DESI1: variants seen among roughly 807,000 people sequenced by gnomAD.
DESI1 encodes the protein desumoylating isopeptidase 1.
Under a neutral mutation model 22.4 loss-of-function variants are expected in DESI1, and 17 were observed. The ratio of observed to expected loss-of-function variants is 0.76; its 90% CI spans 0.52 to 1.14. The LOEUF (loss-of-function observed/expected upper bound fraction) is 1.14. Ranked by LOEUF, DESI1 falls within the 50% of genes most tolerant of loss-of-function variation. DESI1 has a pLI of 0.00. For synonymous variants in DESI1, 92 were observed against 84.2 expected (o/e 1.09, Z -0.51); for missense variants, 177 against 208.9 (o/e 0.85, Z 0.94).
At chr22:41,605,855 G>A (rs982560499) in intron 3 of DESI1, among the ~76,000 whole-genome samples, 2 of 152,192 alleles carry the variant, frequency 1.3e-5, no homozygotes, top group African/African-American at 4.8e-5. Context: ...CGGTCTGAGG[G>A]ATCAGGGAAG....
Position 41,598,776 on chromosome 22 carries a change from A to G in DESI1, c.*2321T>C. 6.6e-6 allele frequency: 1 copy of G among 152,502 alleles called. No homozygotes were observed. Among genetic ancestry groups the G allele is most frequent in the Non-Finnish European group, 1.5e-5 (1 of 68,156 alleles). The allele number at this position is 152,502 out of a possible 1,614,324, so 9.4% of individuals were successfully genotyped here. A position where few individuals can be genotyped will look rare whatever the true frequency, so the allele number is the denominator to read the frequency against. On this transcript the variant is annotated 3_prime_UTR_variant, in exon 6 of 6. Coordinates refer to ENST00000263256, the MANE Select transcript of DESI1 (RefSeq NM_015704.3). ...AGGGAACAACACTGGTGGGAAACAG[A>G]GCACTGGCCAAGACCAACCTGCTAC...
chr22:41,601,170 C>G lies in DESI1; in HGVS notation c.434G>C (p.Arg145Pro), dbSNP rs1015137576. Reference sequence around the variant, plus strand: ...GATCTGAATGGAGTCCAGGAGGGGCCGAAGTGCCTGTCCAAAGGGCCTGCA... The same window carrying G: ...GATCTGAATGGAGTCCAGGAGGGGCGGAAGTGCCTGTCCAAAGGGCCTGCA... ...VLSTPFGQAL[R>P]PLLDSIQIQP... Residue 145 changes from arginine (R) to proline (P), a missense_variant, in exon 6 of 6, where the codon CGG becomes CCG. Transcript: ENST00000263256. 4.3e-6 allele frequency: 7 copies of G among 1,611,326 alleles called. No homozygotes were observed. Among genetic ancestry groups the G allele is most frequent in the Non-Finnish European group, 5.1e-6 (6 of 1,179,098 alleles).
chr22:41,603,833 C>T (rs1181641188), intron 4 of DESI1, among the ~76,000 whole-genome samples: 4 of 152,200 alleles, frequency 2.6e-5, no homozygotes, highest in East Asian at 3.8e-4. Flanking sequence ...CTAAAAATTT[C>T]GGCAGAAAGT....
intron 1 of DESI1, among the ~76,000 whole-genome samples, chr22:41,618,683 T>C (rs1420210418): frequency 6.6e-6 from 1 of 152,178 alleles, no homozygotes; most frequent in Non-Finnish European, 1.5e-5. Flanking sequence ...GGGGAGGTTT[T>C]ACGTGGGGTA....
Position 41,601,128 on chromosome 22 carries a change from C to T in DESI1, c.476G>A (p.Ser159Asn). The T allele has an allele frequency of 3.7e-6, 6 of 1,613,502 alleles. No individual in the cohort carries two copies. Among genetic ancestry groups the T allele is most frequent in the Non-Finnish European group, 5.1e-6 (6 of 1,179,854 alleles). ...DSIQIQPPGGSSVGRPNGQS is the reference protein window; with the variant it reads ...DSIQIQPPGGNSVGRPNGQS The stretch of plus-strand genomic sequence containing the variant: ...CTGGCCGTTGGGTCTGCCCACGGAG[C>T]TCCCTCCTGGAGGCTGGATCTGAAT... Residue 159 changes from serine (S) to asparagine (N), a missense_variant, in exon 6 of 6, where the codon AGC (serine) becomes AAC (asparagine). Ser to Asn is a conservative substitution (Grantham distance 46, BLOSUM62 1). Coordinates refer to ENST00000263256, the MANE Select transcript of DESI1 (RefSeq NM_015704.3).
At chr22:41,616,921 C>T (rs1277212520) in intron 1 of DESI1, among the ~76,000 whole-genome samples, 1 of 152,146 alleles carries the variant, frequency 6.6e-6, no homozygotes, top group East Asian at 1.9e-4. Flanking sequence ...GATGAGGTCT[C>T]CCATTGGAGA....
At chr22:41,620,703 C>T in intron 1 of DESI1, 49 bp downstream of exon 1, 1 of 1,557,136 alleles carries the variant, frequency 6.4e-7, no homozygotes, top group Non-Finnish European at 8.7e-7. Context: ...AGCCGCCACC[C>T]TCTGGCCTGG....
chr22:41,610,256 G>A (rs375202086), intron 1 of DESI1, among the ~76,000 whole-genome samples: 155 of 148,888 alleles, frequency 1.0e-3, no homozygotes, highest in African/African-American at 3.6e-3. Flanking sequence ...GCAGGCACCT[G>A]TAATCCCAGC....
At chr22:41,613,998 A>G (rs1212237003) in intron 1 of DESI1, among the ~76,000 whole-genome samples, 1 of 152,098 alleles carries the variant, frequency 6.6e-6, no homozygotes, top group African/African-American at 2.4e-5. Context: ...CATAGAGTGG[A>G]GATAGGGACT....
intron 1 of DESI1, among the ~76,000 whole-genome samples, chr22:41,619,051 G>A (rs937115284): frequency 2.0e-5 from 3 of 151,182 alleles, no homozygotes; most frequent in Admixed American, 6.6e-5. Context: ...GTGACAGAGC[G>A]AGACTCCGTC....
chr22:41,615,515 A>G (rs1168852553), intron 1 of DESI1, among the ~76,000 whole-genome samples: 2 of 152,258 alleles, frequency 1.3e-5, no homozygotes, highest in Non-Finnish European at 2.9e-5. Flanking sequence ...TTGAATGATT[A>G]TTAAATTAAT....
In DESI1 at chr22:41,620,897, C is replaced by A; in HGVS notation, c.-58G>T. Reference sequence around the variant, plus strand: ...CTCGGGCACCCGGCAGCGGCTTGGACCTTCCCGTACCCGACGGGAGTGCGA... The same window carrying A: ...CTCGGGCACCCGGCAGCGGCTTGGAACTTCCCGTACCCGACGGGAGTGCGA... On this transcript the variant is annotated 5_prime_UTR_variant, in exon 1 of 6. Coordinates refer to ENST00000263256, the MANE Select transcript of DESI1 (RefSeq NM_015704.3). The A allele has an allele frequency of 6.4e-7, 1 of 1,561,610 alleles. No individual in the cohort carries two copies. Among genetic ancestry groups the A allele is most frequent in the Non-Finnish European group, 8.7e-7 (1 of 1,151,720 alleles).
At chr22:41,607,409 G>C in intron 2 of DESI1, 78 bp from the exon 3 acceptor site, 1 of 1,397,388 alleles carries the variant, frequency 7.2e-7, no homozygotes, top group Non-Finnish European at 9.7e-7. Context: ...TGCAATGAGA[G>C]TAATTTCTGC....
Position 41,604,068 on chromosome 22 carries a change from G to A in DESI1, c.266C>T (p.Ser89Phe), listed in dbSNP as rs145019403. 1.3e-4 allele frequency: 212 copies of A among 1,613,774 alleles called. No individual in the cohort carries two copies. Among genetic ancestry groups the A allele is most frequent in the Non-Finnish European group, 1.7e-4 (199 of 1,179,980 alleles). ...VTEEIFLEYL[S>F]SLGESLFRGE... is the part of the protein sequence containing the mutation. The stretch of plus-strand genomic sequence containing the variant: ...CCGGAACAGGGACTCCCCCAGGGAG[G>A]AGAGGTACTCCAGAAAGATTTCTTC... The change falls in exon 4 of 6, where the codon TCC (serine) becomes TTC (phenylalanine). Residue 89 changes from serine (S) to phenylalanine (F), a missense_variant. Ser to Phe is a radical substitution (Grantham distance 155). Coordinates refer to ENST00000263256, the MANE Select transcript of DESI1 (RefSeq NM_015704.3).
chr22:41,612,756 C>CT (rs1176318751), intron 1 of DESI1, among the ~76,000 whole-genome samples: 2,017 of 134,726 alleles, frequency 0.015, 44 homozygotes, highest in African/African-American at 0.046. Context: ...CCCAGGCCTA[C>CT]TTTTTTTTTT....
Position 41,600,964 on chromosome 22 carries a change from T to A in DESI1, c.*133A>T. 1.2e-6 allele frequency: 1 copy of A among 819,136 alleles called. No individual in the cohort carries two copies. The highest frequency in any genetic ancestry group is 2.7e-4 in the Middle Eastern group (1 of 3,706). The allele number at this position is 819,136 out of a possible 1,614,324, so 50.7% of individuals were successfully genotyped here. A position where few individuals can be genotyped will look rare whatever the true frequency, so the allele number is the denominator to read the frequency against. On this transcript the variant is annotated 3_prime_UTR_variant, in exon 6 of 6. Coordinates refer to ENST00000263256, the MANE Select transcript of DESI1 (RefSeq NM_015704.3). Reference sequence around the variant, plus strand: ...TCTACATGCGGCCTGACGGTCTCCTTCCCTGGGAAATTTAAAAAGCCGTCC... The same window carrying A: ...TCTACATGCGGCCTGACGGTCTCCTACCCTGGGAAATTTAAAAAGCCGTCC...
chr22:41,609,924 C>G (rs2147043987), intron 1 of DESI1, among the ~76,000 whole-genome samples: 1 of 149,682 alleles, frequency 6.7e-6, no homozygotes, highest in African/African-American at 2.5e-5. Context: ...CTACTAAAAA[C>G]ACAAAATTAG....
At position 41,601,202 on chromosome 22, in the gene DESI1, CAG is replaced by C. The variant is rs748552986; in HGVS notation, c.414-14_414-13del. The stretch of plus-strand genomic sequence containing the variant: ...CCTGTCCAAAGGGCCTGCAAGGAAA[CAG>C]AGACATGAGAGGGGTGGGCTCTGGG... On this transcript the variant is annotated splice_polypyrimidine_tract_variant and intron_variant, in intron 5 of 5. Transcript: ENST00000263256. 8 of 1,601,570 alleles carry C rather than the reference CAG, an allele frequency of 5.0e-6. No individual in the cohort carries two copies. The highest frequency in any genetic ancestry group is 1.1e-5 in the South Asian group (1 of 89,670).
intron 1 of DESI1, 55 bp downstream of exon 1, chr22:41,620,697 G>A: frequency 6.5e-7 from 1 of 1,537,296 alleles, no homozygotes; most frequent in Non-Finnish European, 8.8e-7. Flanking sequence ...TCGGCCAGCC[G>A]CCACCCTCTG....
Sources: gnomAD v4.1 joint callset for allele counts (sites outside exome capture counted in the v4.1 genomes callset) on GRCh38, gnomAD v4.1.1 for gene constraint, MANE v1.5 for transcripts, NCBI Gene and HGNC (gene_info 2026-07-23, HGNC 2026-07-21) for gene names.